The following TTLL11 variants were observed in gnomAD, a reference collection of about 807,000 sequenced individuals.
TTLL11 encodes the protein tubulin tyrosine ligase like 11, also known as tubulin polyglutamylase TTLL11.
In TTLL11, 42 loss-of-function variants were observed where a neutral mutation model predicts 51.7. The observed-to-expected ratio is 0.81, with a 90% CI of 0.64 to 1.05. The LOEUF (loss-of-function observed/expected upper bound fraction) is 1.05. TTLL11 is among the 50% of genes least tolerant of loss of function. TTLL11 has a pLI of 0.00. For missense variants in TTLL11, 799 were observed against 940.4 expected, an observed-to-expected ratio of 0.85 and a Z score of 1.97; for synonymous variants, 381 against 383.5, an observed-to-expected ratio of 0.99 and a Z score of 0.08.
At chr9:122,060,009 G>A (rs1231175911) in intron 1 of TTLL11, among the ~76,000 whole-genome samples, 1 of 152,206 alleles carries the variant, frequency 6.6e-6, no homozygotes, top group Non-Finnish European at 1.5e-5. Context: ...TTCCTGACTG[G>A]CTGGAATGCA....
chr9:121,984,485 G>T (rs1374491489), intron 4 of TTLL11, among the ~76,000 whole-genome samples: 1 of 152,150 alleles, frequency 6.6e-6, no homozygotes, highest in Non-Finnish European at 1.5e-5. Context: ...AGATAAGGAA[G>T]CTGAGACTAA....
At chr9:122,048,541 C>T (rs955594902) in intron 1 of TTLL11, among the ~76,000 whole-genome samples, 8 of 152,112 alleles carry the variant, frequency 5.3e-5, no homozygotes, top group Non-Finnish European at 1.0e-4. Context: ...CCCCGTGGAC[C>T]GACCACAGGA....
At chr9:122,039,392 G>A (rs367732749) in intron 1 of TTLL11, 24 bp from the exon 2 acceptor site, 292 of 1,585,848 alleles carry the variant, frequency 1.8e-4, no homozygotes, top group Non-Finnish European at 2.3e-4. Flanking sequence ...AATGTGACTC[G>A]CAATAAGAAT....
At chr9:122,083,739 G>A (rs1434967368) in intron 1 of TTLL11, among the ~76,000 whole-genome samples, 1 of 152,122 alleles carries the variant, frequency 6.6e-6, no homozygotes, top group East Asian at 1.9e-4. Flanking sequence ...GAACCCGGGA[G>A]GCAGAGGTTG....
chr9:121,939,828 C>T (rs72765920), intron 6 of TTLL11, among the ~76,000 whole-genome samples: 14,302 of 152,178 alleles, frequency 0.094, 907 homozygotes, highest in Middle Eastern at 0.14. Flanking sequence ...AAGGCACCTC[C>T]GCGATGCAGT....
intron 3 of TTLL11, among the ~76,000 whole-genome samples, chr9:122,003,646 A>C (rs550282418): frequency 6.6e-6 from 1 of 150,678 alleles, no homozygotes; most frequent in South Asian, 2.1e-4. Context: ...CACCACACCC[A>C]GCTAATTTTC....
intron 8 of TTLL11, among the ~76,000 whole-genome samples, chr9:121,824,648 G>A (rs1836694949): frequency 6.6e-6 from 1 of 151,968 alleles, no homozygotes; most frequent in South Asian, 2.1e-4. Flanking sequence ...GAAAGGGTCT[G>A]AGTCTTCCCA....
chr9:122,039,032 A>G (rs184195128), intron 2 of TTLL11, among the ~76,000 whole-genome samples: 19 of 152,322 alleles, frequency 1.2e-4, no homozygotes, highest in African/African-American at 4.6e-4. Flanking sequence ...TATTATATGC[A>G]TAACCCAAAA....
intron 1 of TTLL11, among the ~76,000 whole-genome samples, chr9:122,061,617 G>A (rs990962576): frequency 4.6e-5 from 7 of 152,072 alleles, no homozygotes; most frequent in Non-Finnish European, 8.8e-5. Flanking sequence ...AGACTAGTAA[G>A]ACTAAATGTT....
rs780872951 is a variant in TTLL11, at chr9:122,092,675, G to C, written c.462+12C>G. On this transcript the variant is annotated intron_variant, in intron 1 of 8. Transcript: ENST00000321582. The stretch of plus-strand genomic sequence containing the variant: ...CACTGTGCCCACGCGGCCGGGTCGG[G>C]CCGGGCCTCACCTCCTTCCACTTGA... 1.4e-4 allele frequency: 218 copies of C among 1,536,444 alleles called. No homozygotes were observed. The highest frequency in any genetic ancestry group is 2.2e-4 in the Middle Eastern group (1 of 4,524).
intron 1 of TTLL11, among the ~76,000 whole-genome samples, chr9:122,043,079 A>G (rs1026300677): frequency 6.6e-6 from 1 of 152,106 alleles, no homozygotes; most frequent in African/African-American, 2.4e-5. Flanking sequence ...AATGTAAACT[A>G]TGGACTTTGG....
rs57931102 is a variant in TTLL11, at chr9:121,893,350, A to ATGTGTG, written c.1482-22608_1482-22603dup. On this transcript the variant is annotated intron_variant, in intron 6 of 8. Transcript: ENST00000321582. ...TCTCTAGCCTTCTCCATGCATGCAT[A>ATGTGTG]TGTGTGTGTGTGTGTGTGTGAGGGG... 8.1e-3 allele frequency among the ~76,000 whole-genome samples: 1,214 copies of ATGTGTG among 149,952 alleles called. 14 individuals carry two copies. Among genetic ancestry groups the ATGTGTG allele is most frequent in the African/African-American group, 0.012 (500 of 40,856 alleles).
rs1234683959 is a variant in TTLL11 at position 121,821,427 on chromosome 9, C to T, written c.*1160G>A. ...TGACTCTTCCCAGGTTCCTCAGCAT[C>T]CTTTAAAGGGATCCTCCAGGAAAGG... On this transcript the variant is annotated 3_prime_UTR_variant, in exon 9 of 9. Coordinates refer to ENST00000321582, the MANE Select transcript of TTLL11 (RefSeq NM_001139442.2). This position sits in a 1 kb window ranked among gnomAD's most constrained non-coding sequence, Gnocchi z 5.0. 2.0e-5 allele frequency among the ~76,000 whole-genome samples: 3 copies of T among 152,122 alleles called. No homozygotes were observed. Among genetic ancestry groups the T allele is most frequent in the Non-Finnish European group, 2.9e-5 (2 of 68,032 alleles).
chr9:121,864,079 T>A lies in TTLL11; in HGVS notation c.1734-3636A>T, dbSNP rs1050104162. Among the ~76,000 whole-genome samples, 5 of 152,180 alleles carry A rather than the reference T, an allele frequency of 3.3e-5. No individual in the cohort carries two copies. The South Asian group carries it at 1.0e-3, about 32-fold the overall frequency. ...GATTTGCCCTGTGGTTACCAAACAT[T>A]CTCAATAAACTCAAACAGGAAATGA... is the stretch of plus-strand genomic sequence containing the variant. On this transcript the variant is annotated intron_variant, in intron 7 of 8. Transcript: ENST00000321582.
At chr9:121,939,031 G>A (rs757978335) in intron 6 of TTLL11, among the ~76,000 whole-genome samples, 7 of 152,300 alleles carry the variant, frequency 4.6e-5, no homozygotes, top group Non-Finnish European at 8.8e-5. Flanking sequence ...TTCCACTCTA[G>A]GTGTTGACCG....
chr9:121,920,845 G>T (rs887310435), intron 6 of TTLL11, among the ~76,000 whole-genome samples: 18 of 152,210 alleles, frequency 1.2e-4, no homozygotes, highest in Non-Finnish European at 2.4e-4. Context: ...GGAAGGAATT[G>T]TTCTCAAAGA....
At chr9:121,877,882 C>T (rs928649551) in intron 6 of TTLL11, among the ~76,000 whole-genome samples, 1 of 152,152 alleles carries the variant, frequency 6.6e-6, no homozygotes, top group Non-Finnish European at 1.5e-5. Context: ...ATGCGGCCTC[C>T]ATACACGGGG....
chr9:121,850,554 G>A (rs978452309), intron 8 of TTLL11, among the ~76,000 whole-genome samples: 2 of 152,122 alleles, frequency 1.3e-5, no homozygotes, highest in African/African-American at 4.8e-5. Flanking sequence ...GGGGAGGAGT[G>A]GGGAGGTGGT....
At chr9:121,838,789 C>CAAGCAAGCAAGA (rs1336071463) in intron 8 of TTLL11, among the ~76,000 whole-genome samples, 1 of 141,142 alleles carries the variant, frequency 7.1e-6, no homozygotes, top group East Asian at 1.9e-4. Flanking sequence ...AGAAAGCAAG[C>CAAGCAAGCAAGA]AAGCAAGCAA....
Sources: allele counts gnomAD v4.1 joint callset (sites outside exome capture counted in the v4.1 genomes callset), GRCh38; gene constraint gnomAD v4.1.1; non-coding constraint Gnocchi (gnomAD v3.1); transcripts MANE v1.5; gene names NCBI Gene and HGNC (gene_info 2026-07-23, HGNC 2026-07-21).